Variants in PCDH15 observed in about 807,000 individuals in gnomAD.
The protein encoded by PCDH15 is protocadherin related 15, also known as protocadherin-15.
In PCDH15, 129 loss-of-function variants were observed where a neutral mutation model predicts 178.5. That is an observed-to-expected ratio of 0.72 (90% CI 0.63 to 0.84). PCDH15 has a LOEUF of 0.84. Ranked by LOEUF, PCDH15 falls within the 40% of genes least tolerant of loss-of-function variation. PCDH15 has a pLI of 0.00. For synonymous variants in PCDH15, 800 were observed against 732.0 expected (o/e 1.09, Z -1.50); for missense variants, 2,230 against 2,099.9 (o/e 1.06, Z -1.21).
intron 2 of PCDH15, among the ~76,000 whole-genome samples, chr10:54,908,369 G>A (rs141373975): frequency 1.3e-5 from 2 of 152,298 alleles, no homozygotes; most frequent in African/African-American, 4.8e-5. Context: ...TTCTACAGGT[G>A]ATAGTGGGGT....
intron 2 of PCDH15, among the ~76,000 whole-genome samples, chr10:55,470,457 T>C (rs185179498): frequency 5.3e-4 from 80 of 152,310 alleles, no homozygotes; most frequent in African/African-American, 1.6e-3. Context: ...CTTCCTTCTA[T>C]TTATTTTAAG....
chr10:55,472,975 T>C (rs531113917), intron 2 of PCDH15, among the ~76,000 whole-genome samples: 3 of 152,300 alleles, frequency 2.0e-5, no homozygotes, highest in African/African-American at 7.2e-5. Flanking sequence ...TGGGATTTTG[T>C]TTTTATACAT....
intron 23 of PCDH15, among the ~76,000 whole-genome samples, chr10:53,950,763 A>G (rs896296894): frequency 1.3e-5 from 2 of 152,196 alleles, no homozygotes; most frequent in African/African-American, 4.8e-5. Flanking sequence ...ATGTGTTTGA[A>G]CTACTATTAG....
intron 2 of PCDH15, among the ~76,000 whole-genome samples, chr10:55,568,766 G>T (rs1390493931): frequency 6.6e-6 from 1 of 152,074 alleles, no homozygotes; most frequent in South Asian, 2.1e-4. Flanking sequence ...GTAATTTTTT[G>T]AGTCATCTGC....
intron 3 of PCDH15, among the ~76,000 whole-genome samples, chr10:54,419,339 C>G (rs1204212248): frequency 1.3e-5 from 2 of 150,466 alleles, no homozygotes; most frequent in Non-Finnish European, 3.0e-5. Flanking sequence ...ACAAATTTAT[C>G]TAAAATTCTT....
At chr10:54,792,682 C>T (rs931450945) in intron 1 of PCDH15, among the ~76,000 whole-genome samples, 3 of 151,850 alleles carry the variant, frequency 2.0e-5, no homozygotes, top group African/African-American at 7.3e-5. Flanking sequence ...CCTGGATCTC[C>T]AGCTTGCTGA....
At chr10:55,060,911 C>A (rs1038165429) in intron 2 of PCDH15, among the ~76,000 whole-genome samples, 1 of 151,916 alleles carries the variant, frequency 6.6e-6, no homozygotes, top group Admixed American at 6.6e-5. Flanking sequence ...AGGCCTTAGA[C>A]TTTCACAAAA....
Position 54,369,230 on chromosome 10 carries a change from T to C in PCDH15, c.364A>G (p.Asn122Asp). 1 of 1,613,004 alleles carries C rather than the reference T, an allele frequency of 6.2e-7. No homozygotes were observed. Among genetic ancestry groups the C allele is most frequent in the Non-Finnish European group, 8.5e-7 (1 of 1,179,376 alleles). ...TAGATAATAGTGCCCACTTTTTTGT[T>C]GATGCACTGGACCTGCACCACAATG... is the stretch of plus-strand genomic sequence containing the variant. ...HSIVVQVQCI[N>D]KKVGTIIYHE... Residue 122 changes from asparagine (N) to aspartate (D), a missense_variant, in exon 5 of 38, where the codon AAC becomes GAC. Transcript: ENST00000644397.
At chr10:54,960,086 C>A (rs1838603529) in intron 2 of PCDH15, among the ~76,000 whole-genome samples, 2 of 152,118 alleles carry the variant, frequency 1.3e-5, no homozygotes, top group South Asian at 4.1e-4. Context: ...TATTCTACTT[C>A]ACCTGGAAAA....
chr10:55,343,540 TC>T (rs1286289777), intron 2 of PCDH15, among the ~76,000 whole-genome samples: 2 of 151,328 alleles, frequency 1.3e-5, no homozygotes, highest in Non-Finnish European at 2.9e-5. Context: ...ATCTTCCTTT[TC>T]CCCCCCAATA....
rs757758119 is a variant in PCDH15 at position 53,840,293 on chromosome 10, C to G, written c.3983+27G>C. On this transcript the variant is annotated intron_variant, in intron 29 of 37. Coordinates refer to ENST00000644397, the MANE Select transcript of PCDH15 (RefSeq NM_001384140.1). Reference sequence around the variant, plus strand: ...TATGGTTGCTATTGTAACCAAAGAGCTGTTACAGATAACAAAAAGCACTTA... The same window carrying G: ...TATGGTTGCTATTGTAACCAAAGAGGTGTTACAGATAACAAAAAGCACTTA... The G allele has an allele frequency of 1.9e-6, 3 of 1,605,708 alleles. No homozygotes were observed. In the East Asian group the frequency reaches 6.7e-5, roughly 36 times the overall value.
chr10:55,602,925 C>T (rs1186650405), intron 2 of PCDH15, among the ~76,000 whole-genome samples: 1 of 151,912 alleles, frequency 6.6e-6, no homozygotes, highest in Admixed American at 6.6e-5. Flanking sequence ...AGGCTTCAGA[C>T]GATCAAATTA....
chr10:55,096,231 T>A (rs2132040562), intron 2 of PCDH15, among the ~76,000 whole-genome samples: 1 of 152,176 alleles, frequency 6.6e-6, no homozygotes, highest in South Asian at 2.1e-4. Flanking sequence ...ATGGGGAAAA[T>A]CAGCTGTTTT....
At chr10:53,986,239 G>C (rs2091093490) in intron 21 of PCDH15, among the ~76,000 whole-genome samples, 1 of 152,130 alleles carries the variant, frequency 6.6e-6, no homozygotes, top group Non-Finnish European at 1.5e-5. Flanking sequence ...AACATCATTA[G>C]TCATAATGGA....
In PCDH15 at chr10:54,023,096, T is replaced by G; in HGVS notation, c.2322A>C (p.Ala774=). The G allele has an allele frequency of 6.2e-7, 1 of 1,614,012 alleles. No individual in the cohort carries two copies. Among genetic ancestry groups the G allele is most frequent in the Non-Finnish European group, 8.5e-7 (1 of 1,179,920 alleles). The change falls in exon 19 of 38, where the codon GCA becomes GCC. Residue 774 remains alanine (A), a synonymous_variant. Transcript: ENST00000644397. The stretch of plus-strand genomic sequence containing the variant: ...CCCTGACTTCTCTGTTAAGCTTCAC[T>G]GCTGTGTAAATGCTCCCATTGGATG... ...RITSNGSIYT[A]VKLNREVRDY...
intron 3 of PCDH15, among the ~76,000 whole-genome samples, chr10:54,842,340 T>C (rs986532989): frequency 3.3e-5 from 5 of 151,876 alleles, no homozygotes; most frequent in African/African-American, 1.2e-4. Flanking sequence ...ACATATCTTT[T>C]GTTAATGTCT....
intron 19 of PCDH15, among the ~76,000 whole-genome samples, chr10:54,022,282 G>T (rs1256111916): frequency 6.6e-6 from 1 of 152,028 alleles, no homozygotes; most frequent in African/African-American, 2.4e-5. Flanking sequence ...TTGATACAGA[G>T]ATGTCATTAA....
At chr10:54,801,287 C>A (rs916880463), upstream of PCDH15, 1 of 152,156 alleles carries the variant, frequency 6.6e-6, no homozygotes, top group Non-Finnish European at 1.5e-5. Flanking sequence ...TAGCTCAGCA[C>A]GTTGATTTCA....
At chr10:55,066,529 T>C (rs1267690736) in intron 2 of PCDH15, among the ~76,000 whole-genome samples, 1 of 149,774 alleles carries the variant, frequency 6.7e-6, no homozygotes, top group Non-Finnish European at 1.5e-5. Flanking sequence ...ACATGAGGCT[T>C]TTATTTTATT....
Sources: allele counts gnomAD v4.1 joint callset (sites outside exome capture counted in the v4.1 genomes callset), GRCh38; gene constraint gnomAD v4.1.1; transcripts MANE v1.5; gene names NCBI Gene and HGNC (gene_info 2026-07-23, HGNC 2026-07-21).